The following METTL6 variants were observed in gnomAD, a reference collection of about 807,000 sequenced individuals.
The protein encoded by METTL6 is tRNA N(3)-cytidine methyltransferase METTL6.
Under a neutral mutation model 26.4 loss-of-function variants are expected in METTL6, and 22 were observed. The ratio of observed to expected loss-of-function variants is 0.83; its 90% CI spans 0.59 to 1.19. METTL6 has a LOEUF of 1.19. Among genes scored for constraint, METTL6 ranks in the 50% most tolerant of loss-of-function variants. The pLI, the probability that METTL6 is intolerant of heterozygous loss-of-function variation, is 0.00. For synonymous variants in METTL6, 109 were observed against 116.2 expected (o/e 0.94, Z 0.40); for missense variants, 304 against 324.8 (o/e 0.94, Z 0.49).
chr3:15,424,546 T>C (rs1472648012), intron 3 of METTL6, among the ~76,000 whole-genome samples: 2 of 152,208 alleles, frequency 1.3e-5, no homozygotes, highest in African/African-American at 4.8e-5. Context: ...GGATTACAAG[T>C]GCGAACCAAC....
intron 6 of METTL6, among the ~76,000 whole-genome samples, chr3:15,398,554 A>G (rs1043458528): frequency 1.3e-5 from 2 of 152,214 alleles, no homozygotes; most frequent in Admixed American, 6.5e-5. Flanking sequence ...GGCAGTTACA[A>G]TAAGAGTTCC....
At chr3:15,408,514 G>C (rs1699861289), downstream of METTL6, among the ~76,000 whole-genome samples, 1 of 147,046 alleles carries the variant, frequency 6.8e-6, no homozygotes, top group Admixed American at 6.8e-5. Flanking sequence ...AATGACTTCT[G>C]ATAACAAAAG....
intron 6 of METTL6, among the ~76,000 whole-genome samples, chr3:15,395,681 T>G (rs1699468272): frequency 6.6e-6 from 1 of 152,234 alleles, no homozygotes; most frequent in Non-Finnish European, 1.5e-5. Flanking sequence ...AGGAGTTCTT[T>G]TAGGGCAGGC....
At chr3:15,419,584 T>C (rs2061562978) in intron 3 of METTL6, among the ~76,000 whole-genome samples, 2 of 152,222 alleles carry the variant, frequency 1.3e-5, no homozygotes, top group Admixed American at 1.3e-4. Context: ...AAAAGACTGA[T>C]ATCAAGAGTT....
Position 15,397,253 on chromosome 3 carries a change from G to A in METTL6, c.*12-13066C>T, listed in dbSNP as rs999118234. ...TCAGACTGCTGTGCTAGCAATGAGC[G>A]AGGCTCCGTGGGCGTAGGACCCTCC... On this transcript the variant is annotated intron_variant, in intron 6 of 6. Coordinates refer to the METTL6 transcript ENST00000443029. 3.3e-5 allele frequency among the ~76,000 whole-genome samples: 5 copies of A among 152,168 alleles called. No individual in the cohort carries two copies. The South Asian group carries it at 6.2e-4, about 19-fold the overall frequency.
At chr3:15,413,808 C>G in intron 5 of METTL6, 2 of 1,481,532 alleles carry the variant, frequency 1.3e-6, no homozygotes, top group South Asian at 2.4e-5. Context: ...TTAGGGGAGT[C>G]ACTGACACCA....
At chr3:15,426,914 G>T (rs1223083324) in intron 1 of METTL6, among the ~76,000 whole-genome samples, 2 of 152,224 alleles carry the variant, frequency 1.3e-5, no homozygotes, top group Non-Finnish European at 2.9e-5. Context: ...CTCAAGAACT[G>T]ACTGGGAAAC....
At chr3:15,408,562 CTTTTT>C (rs57787117), downstream of METTL6, among the ~76,000 whole-genome samples, 3 of 116,224 alleles carry the variant, frequency 2.6e-5, no homozygotes, top group Admixed American at 9.9e-5. Flanking sequence ...GCTCCTTGCT[CTTTTT>C]TTTTTTTTTT....
At position 15,385,382 on chromosome 3, in the gene METTL6, G is replaced by A. The variant is rs561122003; in HGVS notation, c.*12-1195C>T. ...GGAGGCCGAGGTGGGCGGATCATCT[G>A]AGGTCAGGAGTTTGAGACCAGCCTG... On this transcript the variant is annotated intron_variant, in intron 6 of 6. Transcript: ENST00000443029. Among the ~76,000 whole-genome samples the A allele has an allele frequency of 9.2e-5, 14 of 152,306 alleles. 1 individual carries two copies. In the South Asian group the frequency reaches 2.9e-3, roughly 32 times the overall value.
At chr3:15,415,360 T>C in intron 4 of METTL6, 1 of 754,148 alleles carries the variant, frequency 1.3e-6, no homozygotes. Flanking sequence ...TCTTGCTATG[T>C]TGGCCAGGCT....
chr3:15,412,805 A>G (rs1011531408), intron 5 of METTL6, among the ~76,000 whole-genome samples: 6 of 152,196 alleles, frequency 3.9e-5, no homozygotes, highest in Non-Finnish European at 7.3e-5. Context: ...TTTGGTATCT[A>G]AAAGAATATT....
At chr3:15,407,999 C>A (rs562999355), downstream of METTL6, among the ~76,000 whole-genome samples, 1 of 152,270 alleles carries the variant, frequency 6.6e-6, no homozygotes, top group South Asian at 2.1e-4. Context: ...GTGTATAAGA[C>A]CTGCTGTAAT....
At chr3:15,390,750 G>T (rs1388103391) in intron 6 of METTL6, among the ~76,000 whole-genome samples, 15 of 152,246 alleles carry the variant, frequency 9.9e-5, no homozygotes, top group African/African-American at 3.6e-4. Context: ...TCAGTGGAGG[G>T]TCAGGGTGGC....
chr3:15,415,235 C>T (rs1419930732), intron 4 of METTL6, among the ~76,000 whole-genome samples: 1 of 152,212 alleles, frequency 6.6e-6, no homozygotes, highest in African/African-American at 2.4e-5. Flanking sequence ...TGTATCTTCA[C>T]CCAACTGTGG....
chr3:15,391,460 G>C (rs933707891), intron 6 of METTL6, among the ~76,000 whole-genome samples: 1 of 151,938 alleles, frequency 6.6e-6, no homozygotes, highest in Admixed American at 6.6e-5. Flanking sequence ...ATGTTACATT[G>C]CAGAACAATT....
intron 6 of METTL6, chr3:15,399,582 T>TGTGTGTGTGTGTGTGTGTG (rs1325818559): frequency 1.4e-5 from 1 of 71,564 alleles, no homozygotes; most frequent in African/African-American, 4.9e-5. Flanking sequence ...GTGTGTGTGT[T>TGTGTGTGTGTGTGTGTGTG]GGAGGCTGGG....
In METTL6 at chr3:15,415,957, A is replaced by C. The variant is rs1448881752; in HGVS notation, c.361-15T>G. ...AAAGGATTTTGCTACAGGGGGAAGA[A>C]ATACAAATGAATTTTAATGCAACCA... On this transcript the variant is annotated splice_polypyrimidine_tract_variant and intron_variant, in intron 3 of 5. Coordinates refer to ENST00000383790, the MANE Select transcript of METTL6 (RefSeq NM_152396.4). The C allele has an allele frequency of 3.1e-6, 5 of 1,592,122 alleles. No homozygotes were observed. The highest frequency in any genetic ancestry group is 4.3e-6 in the Non-Finnish European group (5 of 1,170,120).
downstream of METTL6, among the ~76,000 whole-genome samples, chr3:15,405,177 T>C (rs1330280807): frequency 6.6e-6 from 1 of 152,210 alleles, no homozygotes; most frequent in Non-Finnish European, 1.5e-5. Flanking sequence ...AAAAAAAAAT[T>C]AGGACCCTTC....
chr3:15,406,338 C>A (rs1202624142), downstream of METTL6, among the ~76,000 whole-genome samples: 4 of 151,384 alleles, frequency 2.6e-5, no homozygotes, highest in African/African-American at 9.7e-5. Flanking sequence ...TTAGGGTGCA[C>A]TGATGGAAAT....
Sources: gnomAD v4.1 joint callset for allele counts (sites outside exome capture counted in the v4.1 genomes callset) on GRCh38, gnomAD v4.1.1 for gene constraint, MANE v1.5 for transcripts, NCBI Gene and HGNC (gene_info 2026-07-23, HGNC 2026-07-21) for gene names.